Variants in TANC2 observed in about 807,000 individuals in gnomAD.
TANC2 encodes the protein tetratricopeptide repeat, ankyrin repeat and coiled-coil containing 2, also known as protein TANC2.
Under a neutral mutation model 210.5 loss-of-function variants are expected in TANC2, and 26 were observed. The ratio of observed to expected loss-of-function variants is 0.12; its 90% CI spans 0.09 to 0.17. TANC2 has a LOEUF of 0.17. Among genes scored for constraint, TANC2 ranks in the 10% least tolerant of loss-of-function variants. The pLI is 1.00. For synonymous variants in TANC2, 931 were observed against 967.1 expected (o/e 0.96, Z 0.69); for missense variants, 2,129 against 2,608.9 (o/e 0.82, Z 4.01).
At chr17:63,407,154 G>A (rs1179599384) in intron 21 of TANC2, among the ~76,000 whole-genome samples, 1 of 152,218 alleles carries the variant, frequency 6.6e-6, no homozygotes, top group Non-Finnish European at 1.5e-5. Context: ...CTACAGCTCA[G>A]TCAGAGACTT....
rs549386843 is a variant in TANC2, at chr17:63,418,274, A to G, written c.4168-33A>G. The G allele has an allele frequency of 5.1e-6, 8 of 1,580,132 alleles. No homozygotes were observed. In the African/African-American group the frequency reaches 8.1e-5, roughly 16 times the overall value. On this transcript the variant is annotated intron_variant, in intron 26 of 27. Coordinates refer to ENST00000689528, the Ensembl canonical transcript of TANC2. This position sits in a 1 kb window ranked among gnomAD's most constrained non-coding sequence, Gnocchi z 4.6. Reference sequence around the variant, plus strand: ...AGTTGTCTATTTTTTATATCTCATCAATGACTCATTTGCACACCTATTGTA... The same window carrying G: ...AGTTGTCTATTTTTTATATCTCATCGATGACTCATTTGCACACCTATTGTA...
rs1172606827 is a variant in TANC2, at chr17:63,170,383, C to T, written c.433+19003C>T. On this transcript the variant is annotated intron_variant, in intron 5 of 27. Coordinates refer to ENST00000689528, the Ensembl canonical transcript of TANC2. ...CCGGGAGGCAGAGCTTGCAGTAAGC[C>T]GAGATCGTGCCACTGCTCTCACAGC... Among the ~76,000 whole-genome samples, 14 of 150,144 alleles carry T rather than the reference C, an allele frequency of 9.3e-5. No individual in the cohort carries two copies. The East Asian group carries it at 1.6e-3, about 17-fold the overall frequency.
At chr17:63,078,783 G>A (rs1474493200) in intron 3 of TANC2, among the ~76,000 whole-genome samples, 5 of 152,144 alleles carry the variant, frequency 3.3e-5, no homozygotes, top group South Asian at 4.1e-4. Context: ...TTTTAAATTT[G>A]TTAAGACTTG....
chr17:63,166,685 GA>G (rs2145529164), intron 5 of TANC2, among the ~76,000 whole-genome samples: 1 of 152,292 alleles, frequency 6.6e-6, no homozygotes, highest in East Asian at 1.9e-4. Context: ...CATTAATGGA[GA>G]AGAACCCTGT....
At chr17:63,038,840 T>C (rs1432762043) in intron 2 of TANC2, among the ~76,000 whole-genome samples, 1 of 152,192 alleles carries the variant, frequency 6.6e-6, no homozygotes, top group Non-Finnish European at 1.5e-5. Context: ...AACCTCTCTG[T>C]CCTTAATTTG....
chr17:63,336,390 C>G (rs915080931), intron 11 of TANC2, among the ~76,000 whole-genome samples: 1 of 152,220 alleles, frequency 6.6e-6, no homozygotes, highest in Non-Finnish European at 1.5e-5. Context: ...GTCACTGATC[C>G]TTCATTTGAA....
At chr17:63,410,663 A>G (rs944043787) in intron 21 of TANC2, among the ~76,000 whole-genome samples, 2 of 151,986 alleles carry the variant, frequency 1.3e-5, no homozygotes, top group Non-Finnish European at 2.9e-5. Context: ...GGAGTTCAAG[A>G]CCAGCCTGGC....
chr17:63,238,085 TTTGTTG>T lies in TANC2; in HGVS notation c.1033+24_1033+29del, dbSNP rs565306580. 11 of 1,527,866 alleles carry T rather than the reference TTTGTTG, an allele frequency of 7.2e-6. No homozygotes were observed. In the African/African-American group the frequency reaches 8.4e-5, roughly 12 times the overall value. The allele number at this position is 1,527,866 out of a possible 1,614,324, so 94.6% of individuals were successfully genotyped here. On this transcript the variant is annotated intron_variant, in intron 8 of 27. Transcript: ENST00000689528. ...GGCCAAATTCAGTAGCAGGTAAGTTTTTGTTGTTGTTGTTGTTGTTGCTGTTGTTAA... is the reference window on the plus strand; with the variant it reads ...GGCCAAATTCAGTAGCAGGTAAGTTTTTGTTGTTGTTGTTGCTGTTGTTAA...
intron 1 of TANC2, among the ~76,000 whole-genome samples, chr17:62,993,041 T>C (rs930101565): frequency 2.0e-5 from 3 of 152,236 alleles, no homozygotes; most frequent in Non-Finnish European, 2.9e-5. Context: ...CTCTGATGTC[T>C]ACTTTGGTCA....
chr17:63,009,689 C>G (rs2033779773), intron 2 of TANC2, 63 bp downstream of exon 2: 38 of 1,385,254 alleles, frequency 2.7e-5, no homozygotes. Context: ...TTTTAGGGTC[C>G]TGAATTAATG....
chr17:63,403,364 C>T (rs1295390049), intron 19 of TANC2, among the ~76,000 whole-genome samples: 1 of 151,746 alleles, frequency 6.6e-6, no homozygotes, highest in Non-Finnish European at 1.5e-5. Context: ...AGAAATTTTC[C>T]AAATGGTTTG....
chr17:63,203,606 A>G (rs536296580), intron 7 of TANC2, among the ~76,000 whole-genome samples: 2 of 152,260 alleles, frequency 1.3e-5, no homozygotes, highest in East Asian at 1.9e-4. Context: ...AGCTCTTCAT[A>G]TGCTCACTGC....
chr17:63,200,027 C>A (rs1303320309), intron 6 of TANC2, among the ~76,000 whole-genome samples: 1 of 152,054 alleles, frequency 6.6e-6, no homozygotes, highest in Non-Finnish European at 1.5e-5. Context: ...TTATTTCTTC[C>A]CAGCTGTAGA....
chr17:63,162,682 G>A (rs1343639032), intron 5 of TANC2, among the ~76,000 whole-genome samples: 2 of 152,108 alleles, frequency 1.3e-5, no homozygotes. Context: ...AGGTAAGTAG[G>A]TAGATATGGT....
chr17:63,373,528 A>G (rs1388733765), intron 14 of TANC2, among the ~76,000 whole-genome samples: 1 of 152,194 alleles, frequency 6.6e-6, no homozygotes, highest in Admixed American at 6.5e-5. Context: ...AGATTTCAAA[A>G]ACACTGAAGT....
chr17:63,340,377 C>A, intron 12 of TANC2, 45 bp downstream of exon 12: 1 of 1,495,560 alleles, frequency 6.7e-7, no homozygotes, highest in Non-Finnish European at 9.3e-7. Flanking sequence ...GGTTTAGAGC[C>A]CAAGTTCACC....
At chr17:63,215,080 A>C (rs2041989998) in intron 7 of TANC2, among the ~76,000 whole-genome samples, 1 of 152,214 alleles carries the variant, frequency 6.6e-6, no homozygotes, top group South Asian at 2.1e-4. Context: ...AAATGTCAAA[A>C]TAGATTTAAG....
intron 9 of TANC2, among the ~76,000 whole-genome samples, chr17:63,284,299 G>T (rs1467276111): frequency 6.6e-6 from 1 of 151,724 alleles, no homozygotes; most frequent in Non-Finnish European, 1.5e-5. Flanking sequence ...AAGCTACTTG[G>T]TCATGACTTT....
intron 9 of TANC2, among the ~76,000 whole-genome samples, chr17:63,277,654 TA>T (rs879562113): frequency 4.8e-4 from 68 of 141,888 alleles, no homozygotes; most frequent in South Asian, 2.7e-3. Flanking sequence ...TAAGAAAAGC[TA>T]AAAAAAAAAA....
Sources: gnomAD v4.1 joint callset for allele counts (sites outside exome capture counted in the v4.1 genomes callset) on GRCh38, gnomAD v4.1.1 for gene constraint, Gnocchi (gnomAD v3.1) non-coding constraint, MANE v1.5 for transcripts, NCBI Gene and HGNC (gene_info 2026-07-23, HGNC 2026-07-21) for gene names.